Variants in MVD observed in about 807,000 individuals in gnomAD.
MVD encodes diphosphomevalonate decarboxylase.
A neutral mutation model predicts 42.4 loss-of-function variants in MVD; 52 were observed. The ratio of observed to expected loss-of-function variants is 1.23; its 90% CI spans 0.98 to 1.55. The LOEUF is 1.55. MVD is among the 40% of genes most tolerant of loss of function. MVD has a pLI of 0.00. For synonymous variants in MVD, 287 were observed against 243.2 expected (o/e 1.18, Z -1.68); for missense variants, 663 against 572.1 (o/e 1.16, Z -1.62).
chr16:88,653,360 A>C lies in MVD; in HGVS notation c.1062T>G (p.Leu354=). The change falls in exon 9 of 10, where the codon CTT becomes CTG. Residue 354 remains leucine, a synonymous_variant. Transcript: ENST00000301012. The stretch of plus-strand genomic sequence containing the variant: ...TCGGCTCCATGGCCAGCGCAGCCTG[A>C]AGCTCAGCTGAGAGAGGGGCCGGCC... ...QVRPAPLSAE[L]QAALAMEPTP... 1 of 1,599,418 alleles carries C rather than the reference A, an allele frequency of 6.3e-7. No homozygotes were observed. Among genetic ancestry groups the C allele is most frequent in the Non-Finnish European group, 8.5e-7 (1 of 1,176,376 alleles).
chr16:88,662,853 G>T, intron 1 of MVD, 158 bp downstream of exon 1: 3 of 1,435,764 alleles, frequency 2.1e-6, no homozygotes, highest in Non-Finnish European at 2.7e-6. Flanking sequence ...GCGCGGCCCC[G>T]CCCGACCACC....
At chr16:88,658,926 G>C in intron 1 of MVD, 1 of 568,486 alleles carries the variant, frequency 1.8e-6, no homozygotes, top group East Asian at 3.0e-5. Flanking sequence ...CCAGAGCAGA[G>C]CTGGAGGCCA....
chr16:88,656,428 T>C, intron 4 of MVD, 124 bp from the exon 5 acceptor site: 1 of 1,060,758 alleles, frequency 9.4e-7, no homozygotes, highest in South Asian at 1.5e-5. Flanking sequence ...ACAGGGCTTC[T>C]GGGCCATCAG....
intron 1 of MVD, among the ~76,000 whole-genome samples, chr16:88,659,874 G>A (rs1157492034): frequency 6.6e-6 from 1 of 151,948 alleles, no homozygotes; most frequent in Non-Finnish European, 1.5e-5. Context: ...GGCTGAGGCG[G>A]GAAAATCGCT....
At chr16:88,653,274 G>A (rs747190203) in intron 9 of MVD, 26 bp downstream of exon 9, 1 of 1,574,258 alleles carries the variant, frequency 6.4e-7, no homozygotes, top group South Asian at 1.1e-5. Flanking sequence ...GAAACCCCGG[G>A]GTACTGGGTG....
At chr16:88,658,830 C>T (rs963632015) in intron 1 of MVD, 110 bp from the exon 2 acceptor site, 68 of 777,786 alleles carry the variant, frequency 8.7e-5, no homozygotes, top group Middle Eastern at 7.7e-4. Context: ...GCCTCAGTCC[C>T]GTCTCTCACC....
Position 88,661,423 on chromosome 16 carries a change from C to T in MVD, c.70+1588G>A, listed in dbSNP as rs182138846. 2.0e-5 allele frequency among the ~76,000 whole-genome samples: 3 copies of T among 152,112 alleles called. No homozygotes were observed. The East Asian group carries it at 5.8e-4, about 29-fold the overall frequency. On this transcript the variant is annotated intron_variant, in intron 1 of 9. Coordinates refer to ENST00000301012, the MANE Select transcript of MVD (RefSeq NM_002461.3). The stretch of plus-strand genomic sequence containing the variant: ...TTTTCAGTAGAGACGGGGGTTTCAC[C>T]ATGTTGGCCAAGCTGGTCTCAAACT...
chr16:88,652,754 A>C, intron 9 of MVD, 149 bp from the exon 10 acceptor site: 1 of 738,322 alleles, frequency 1.4e-6, no homozygotes, highest in Non-Finnish European at 2.2e-6. Flanking sequence ...GAGTGGTGAC[A>C]CCCACACGCA....
chr16:88,658,975 C>T (rs1908120531), intron 1 of MVD: 1 of 507,776 alleles, frequency 2.0e-6, no homozygotes. Context: ...TTCATCGCTT[C>T]TACTCCAGCA....
At chr16:88,662,087 C>CA (rs1462737320) in intron 1 of MVD, 5 of 152,040 alleles carry the variant, frequency 3.3e-5, no homozygotes, top group African/African-American at 1.2e-4. Context: ...TATGTTCACA[C>CA]AAAAACCTGT....
At position 88,656,170 on chromosome 16, in the gene MVD, CCTT is replaced by C; in HGVS notation, c.535_537del (p.Lys179del). 1.2e-6 allele frequency: 2 copies of C among 1,602,150 alleles called. No homozygotes were observed. The highest frequency in any genetic ancestry group is 2.2e-5 in the South Asian group (2 of 91,084). On this transcript the variant is annotated inframe_deletion, in exon 5 of 10. Coordinates refer to ENST00000301012, the MANE Select transcript of MVD (RefSeq NM_002461.3). ...GGGGCCACTTGCCGAGCGATGCTGTCCTTCCCGTCGGCCTGCTCTCCCATCTGC... is the reference window on the plus strand; with the variant it reads ...GGGGCCACTTGCCGAGCGATGCTGTCCCCGTCGGCCTGCTCTCCCATCTGC...
chr16:88,659,370 C>T (rs1252345590), intron 1 of MVD: 2 of 155,964 alleles, frequency 1.3e-5, no homozygotes, highest in South Asian at 1.9e-4. Context: ...GGCTCTTTCA[C>T]GCACAGCACT....
chr16:88,655,603 C>A, intron 6 of MVD, 53 bp downstream of exon 6: 1 of 1,540,386 alleles, frequency 6.5e-7, no homozygotes, highest in Non-Finnish European at 8.7e-7. Context: ...GAGGGCAGAG[C>A]CGGGCACAAG....
Position 88,658,048 on chromosome 16 carries a change from G to A in MVD, c.142-19C>T, listed in dbSNP as rs1208553345. 1.9e-6 allele frequency: 3 copies of A among 1,612,018 alleles called. No homozygotes were observed. In the South Asian group the frequency reaches 3.3e-5, roughly 18 times the overall value. ...TTTTTAACTGAAAAGGAAACCCAGG[G>A]CCACCTCAGAGGCCAGCATTGAGGA... On this transcript the variant is annotated intron_variant, in intron 2 of 9. Transcript: ENST00000301012.
chr16:88,653,017 A>G (rs62048037), intron 9 of MVD, among the ~76,000 whole-genome samples: 26,100 of 151,994 alleles, frequency 0.17, 2,379 homozygotes, highest in South Asian at 0.33. Flanking sequence ...CCCCCACCCC[A>G]GGCGCTCCCT....
At chr16:88,658,108 A>T in intron 2 of MVD, 79 bp from the exon 3 acceptor site, 1 of 1,417,642 alleles carries the variant, frequency 7.1e-7, no homozygotes. Context: ...CTACTGAGAG[A>T]GCCTCATGGC....
chr16:88,656,683 G>T (rs964864935), intron 4 of MVD: 4 of 325,028 alleles, frequency 1.2e-5, no homozygotes, highest in Non-Finnish European at 2.4e-5. Context: ...TGCCAGGACA[G>T]AGCTGGACTC....
chr16:88,657,756 G>C (rs1908025481), intron 3 of MVD, 159 bp downstream of exon 3: 1 of 1,240,166 alleles, frequency 8.1e-7, no homozygotes, highest in Non-Finnish European at 1.1e-6. Context: ...TGGTCATTGA[G>C]GTGGGCCACT....
In MVD at chr16:88,658,720, C is replaced by T. The variant is rs763983653; in HGVS notation, c.71G>A (p.Trp24Ter). 1 of 1,611,648 alleles carries T rather than the reference C, an allele frequency of 6.2e-7. No homozygotes were observed. The highest frequency in any genetic ancestry group is 8.5e-7 in the Non-Finnish European group (1 of 1,179,062). Residue 24 changes from tryptophan (W) to a stop codon, truncating the protein, a stop_gained and splice_region_variant, in exon 2 of 10, where the codon TGG (tryptophan) becomes TAG (stop). Coordinates refer to ENST00000301012, the MANE Select transcript of MVD (RefSeq NM_002461.3). LOFTEE classifies it high-confidence loss of function. ...AACCAGCTCTTCATCGCGCTTGCCC[C>T]CTGTAATGAACAGCCAGGGCCAGGC... Reference protein sequence around the residue: ...APVNIAVIKYWGKRDEELVLP... With the variant: ...APVNIAVIKY
Sources: allele counts gnomAD v4.1 joint callset (sites outside exome capture counted in the v4.1 genomes callset), GRCh38; gene constraint gnomAD v4.1.1; transcripts MANE v1.5; gene names NCBI Gene and HGNC (gene_info 2026-07-23, HGNC 2026-07-21).